THSD7A: variants seen among roughly 807,000 people sequenced by gnomAD.
THSD7A encodes the protein thrombospondin type-1 domain-containing protein 7A.
THSD7A carries 96 observed loss-of-function variants against 231.3 expected under a neutral mutation model. The observed-to-expected ratio is 0.41, with a 90% CI of 0.35 to 0.49. The LOEUF (loss-of-function observed/expected upper bound fraction) is 0.49, where lower values mean the gene tolerates loss of function less well. Ranked by LOEUF, THSD7A falls within the 20% of genes least tolerant of loss-of-function variation. The pLI is 0.05. For synonymous variants in THSD7A, 940 were observed against 743.3 expected (o/e 1.26, Z -4.30); for missense variants, 2,290 against 2,070.2 (o/e 1.11, Z -2.06).
intron 1 of THSD7A, among the ~76,000 whole-genome samples, chr7:11,691,009 T>C (rs1011911320): frequency 6.6e-6 from 1 of 151,690 alleles, no homozygotes; most frequent in Non-Finnish European, 1.5e-5. Flanking sequence ...ATTTTCATCA[T>C]ATTTTTGGAA....
intron 13 of THSD7A, among the ~76,000 whole-genome samples, chr7:11,433,604 A>G (rs1369078922): frequency 1.3e-5 from 2 of 152,028 alleles, no homozygotes; most frequent in Non-Finnish European, 2.9e-5. Context: ...AAATATTTTT[A>G]TAAGAATTGC....
At chr7:11,526,889 A>T (rs959865038) in intron 6 of THSD7A, among the ~76,000 whole-genome samples, 2 of 152,126 alleles carry the variant, frequency 1.3e-5, no homozygotes, top group African/African-American at 2.4e-5. Context: ...TCTGTAACCA[A>T]ATTAAAAAAA....
At chr7:11,773,730 A>G (rs1336684034) in intron 1 of THSD7A, among the ~76,000 whole-genome samples, 1 of 152,114 alleles carries the variant, frequency 6.6e-6, no homozygotes, top group Non-Finnish European at 1.5e-5. Flanking sequence ...CAAGCTTACA[A>G]TGTGGAGAGT....
chr7:11,524,299 C>T (rs376920502), intron 6 of THSD7A, among the ~76,000 whole-genome samples: 1 of 152,078 alleles, frequency 6.6e-6, no homozygotes, highest in Admixed American at 6.6e-5. Flanking sequence ...TCTTGGCGCA[C>T]AACTTCCCAG....
chr7:11,510,801 G>A (rs1209126422), intron 6 of THSD7A, among the ~76,000 whole-genome samples: 2 of 152,032 alleles, frequency 1.3e-5, no homozygotes, highest in East Asian at 1.9e-4. Flanking sequence ...ATTTATGACA[G>A]ACCCACAGCC....
chr7:11,422,682 C>G (rs1401632445), intron 16 of THSD7A, among the ~76,000 whole-genome samples: 1 of 150,986 alleles, frequency 6.6e-6, no homozygotes, highest in Non-Finnish European at 1.5e-5. Flanking sequence ...GAGATGGAGT[C>G]TCGCTATGTG....
chr7:11,511,086 C>A (rs1787788692), intron 6 of THSD7A, among the ~76,000 whole-genome samples: 1 of 152,172 alleles, frequency 6.6e-6, no homozygotes, highest in South Asian at 2.1e-4. Flanking sequence ...TCAGCAAAGT[C>A]TCAGGATACA....
chr7:11,639,682 T>G (rs1184312289), intron 1 of THSD7A, among the ~76,000 whole-genome samples: 1 of 151,728 alleles, frequency 6.6e-6, no homozygotes, highest in Non-Finnish European at 1.5e-5. Flanking sequence ...AAAATAATAA[T>G]AATAAATAAA....
chr7:11,714,002 C>T (rs1056478457), intron 1 of THSD7A, among the ~76,000 whole-genome samples: 70 of 151,256 alleles, frequency 4.6e-4, no homozygotes, highest in African/African-American at 1.6e-3. Context: ...GCGTCATATA[C>T]AATAATGCTT....
intron 3 of THSD7A, among the ~76,000 whole-genome samples, chr7:11,591,516 A>G (rs187066554): frequency 6.6e-6 from 1 of 152,284 alleles, no homozygotes; most frequent in East Asian, 1.9e-4. Flanking sequence ...ATAGGTGCAA[A>G]TGGATGTGCA....
rs555537001 is a variant in THSD7A, at chr7:11,705,926, C to T, written c.191-68965G>A. On this transcript the variant is annotated intron_variant, in intron 1 of 27. Transcript: ENST00000423059. Reference sequence around the variant, plus strand: ...AGGTTGTTTGAATAAAATCAGTGAGCATATAATATGTTATAACAATAATAA... The same window carrying T: ...AGGTTGTTTGAATAAAATCAGTGAGTATATAATATGTTATAACAATAATAA... Among the ~76,000 whole-genome samples, 6 of 150,872 alleles carry T rather than the reference C, an allele frequency of 4.0e-5. No individual in the cohort carries two copies. In the East Asian group the frequency reaches 9.9e-4, roughly 25 times the overall value.
In THSD7A at chr7:11,536,629, T is replaced by C. The variant is rs149513948; in HGVS notation, c.1822+4790A>G. ...GAATCACTAAACCTGGGAATGGTTT[T>C]AGGAGCTCAAGACCCTTTCTCTTTT... is the stretch of plus-strand genomic sequence containing the variant. On this transcript the variant is annotated intron_variant, in intron 6 of 27. Transcript: ENST00000423059. Among the ~76,000 whole-genome samples the C allele has an allele frequency of 2.7e-3, 413 of 152,300 alleles. 1 individual carries two copies. Among genetic ancestry groups the C allele is most frequent in the African/African-American group, 9.5e-3 (393 of 41,560 alleles).
chr7:11,764,541 G>C (rs1413373108), intron 1 of THSD7A, among the ~76,000 whole-genome samples: 1 of 147,936 alleles, frequency 6.8e-6, no homozygotes, highest in East Asian at 2.0e-4. Flanking sequence ...CTGCAGTCCG[G>C]CCTGGGTGAA....
At chr7:11,466,804 C>G (rs1371653148) in intron 9 of THSD7A, among the ~76,000 whole-genome samples, 2 of 152,066 alleles carry the variant, frequency 1.3e-5, no homozygotes, top group Non-Finnish European at 2.9e-5. Flanking sequence ...CCACCACCAT[C>G]TCAGGAACAC....
chr7:11,458,314 T>C (rs144648897), intron 11 of THSD7A, among the ~76,000 whole-genome samples: 267 of 152,180 alleles, frequency 1.8e-3, no homozygotes, highest in African/African-American at 6.3e-3. Flanking sequence ...GAAAATTTTG[T>C]CTTCTTGCAA....
intron 13 of THSD7A, among the ~76,000 whole-genome samples, chr7:11,445,519 ATGTGTGTGTGTG>A (rs10691034): frequency 6.7e-6 from 1 of 149,082 alleles, no homozygotes; most frequent in Non-Finnish European, 1.5e-5. Flanking sequence ...CGTTTGTTTT[ATGTGTGTGTGTG>A]TGTGTGTGTG....
At chr7:11,783,243 C>T (rs181350437) in intron 1 of THSD7A, among the ~76,000 whole-genome samples, 45 of 152,248 alleles carry the variant, frequency 3.0e-4, no homozygotes, top group Admixed American at 5.2e-4. Context: ...AAAATCATAG[C>T]GTAGCTAACC....
intron 1 of THSD7A, among the ~76,000 whole-genome samples, chr7:11,795,604 T>G (rs1303197806): frequency 1.3e-5 from 2 of 151,992 alleles, no homozygotes; most frequent in African/African-American, 4.8e-5. Flanking sequence ...ATAAAGATAT[T>G]TACTTATAAT....
intron 2 of THSD7A, among the ~76,000 whole-genome samples, chr7:11,613,255 T>G (rs1780993255): frequency 6.6e-6 from 1 of 152,186 alleles, no homozygotes; most frequent in South Asian, 2.1e-4. Flanking sequence ...AGACAAAACA[T>G]TTGATGGAAC....
Sources: allele counts gnomAD v4.1 joint callset (sites outside exome capture counted in the v4.1 genomes callset), GRCh38; gene constraint gnomAD v4.1.1; transcripts MANE v1.5; gene names NCBI Gene and HGNC (gene_info 2026-07-23, HGNC 2026-07-21).